Variants in RAD51B observed in about 807,000 individuals in gnomAD.
RAD51B encodes RAD51 paralog B.
Under a neutral mutation model 42.2 loss-of-function variants are expected in RAD51B, and 38 were observed. The observed-to-expected ratio is 0.90, with a 90% CI of 0.70 to 1.18. The LOEUF is 1.18. Among genes scored for constraint, RAD51B ranks in the 50% most tolerant of loss-of-function variants. The pLI is 0.00. For synonymous variants in RAD51B, 154 were observed against 145.2 expected (o/e 1.06, Z -0.43); for missense variants, 373 against 400.7 (o/e 0.93, Z 0.59).
At chr14:68,158,130 C>A (rs2078555809) in intron 7 of RAD51B, among the ~76,000 whole-genome samples, 1 of 151,872 alleles carries the variant, frequency 6.6e-6, no homozygotes, top group Admixed American at 6.6e-5. Flanking sequence ...TTTTTTTCTT[C>A]TCCCATCCCA....
At chr14:68,554,742 C>T (rs542255051) in intron 10 of RAD51B, among the ~76,000 whole-genome samples, 140 of 152,100 alleles carry the variant, frequency 9.2e-4, no homozygotes, top group Non-Finnish European at 1.6e-3. Context: ...GAATTTTTGT[C>T]TGTTTTGTTC....
intron 8 of RAD51B, among the ~76,000 whole-genome samples, chr14:68,317,175 G>GA (rs1238511384): frequency 3.3e-5 from 5 of 151,788 alleles, no homozygotes; most frequent in South Asian, 2.1e-4. Flanking sequence ...TGACCTACTT[G>GA]AAAAAAAATG....
intron 7 of RAD51B, among the ~76,000 whole-genome samples, chr14:68,096,731 C>G (rs989064862): frequency 7.2e-5 from 11 of 152,174 alleles, no homozygotes; most frequent in African/African-American, 2.7e-4. Context: ...GTATTTTCCT[C>G]TTTACTTTGG....
intron 8 of RAD51B, among the ~76,000 whole-genome samples, chr14:68,364,763 G>C (rs2083106097): frequency 6.6e-6 from 1 of 152,242 alleles, no homozygotes; most frequent in Admixed American, 6.5e-5. Context: ...CGTAGTTCCA[G>C]TGTGAAGTAC....
intron 5 of RAD51B, among the ~76,000 whole-genome samples, chr14:67,866,800 C>T (rs1264850931): frequency 6.6e-6 from 1 of 152,070 alleles, no homozygotes; most frequent in Admixed American, 6.6e-5. Flanking sequence ...TTTTGAATCC[C>T]CCATATTTAC....
intron 4 of RAD51B, among the ~76,000 whole-genome samples, chr14:67,836,787 C>T (rs929938208): frequency 4.6e-5 from 7 of 152,110 alleles, no homozygotes; most frequent in Non-Finnish European, 8.8e-5. Flanking sequence ...GAAGAAGTGT[C>T]AGGAATTTGA....
chr14:67,835,852 T>C (rs535065842), intron 4 of RAD51B, among the ~76,000 whole-genome samples: 13 of 151,780 alleles, frequency 8.6e-5, no homozygotes, highest in African/African-American at 2.7e-4. Context: ...CAAGACCCTG[T>C]CTCAAAAAAA....
chr14:68,454,089 A>G (rs1232188916), intron 9 of RAD51B, among the ~76,000 whole-genome samples: 1 of 152,248 alleles, frequency 6.6e-6, no homozygotes, highest in Non-Finnish European at 1.5e-5. Flanking sequence ...TTAAAGAGCT[A>G]GAAGATAATA....
At position 68,506,929 on chromosome 14, in the gene RAD51B, C is replaced by G. The variant is rs113068477; in HGVS notation, c.1036+38679C>G. 4.5e-3 allele frequency among the ~76,000 whole-genome samples: 681 copies of G among 152,258 alleles called. 1 individual carries two copies. Among genetic ancestry groups the G allele is most frequent in the Non-Finnish European group, 7.4e-3 (505 of 68,020 alleles). ...AGTTAGAAAAAAATCTGGCAACTCC[C>G]CATACCACAGGTGGGTACACATTCA... On this transcript the variant is annotated intron_variant, in intron 10 of 10. Coordinates refer to the RAD51B transcript ENST00000487270.
intron 8 of RAD51B, among the ~76,000 whole-genome samples, chr14:68,296,024 G>A (rs117937536): frequency 0.016 from 2,363 of 152,316 alleles, 20 homozygotes; most frequent in Non-Finnish European, 0.024. Context: ...AGCAATACAG[G>A]AAGGGGAGAC....
intron 7 of RAD51B, among the ~76,000 whole-genome samples, chr14:68,216,792 C>T (rs1364614687): frequency 6.6e-6 from 1 of 152,134 alleles, no homozygotes; most frequent in Non-Finnish European, 1.5e-5. Context: ...TTGGATAGGG[C>T]TCTTTTCCTT....
At chr14:67,986,751 A>G (rs1218223857) in intron 7 of RAD51B, among the ~76,000 whole-genome samples, 1 of 152,096 alleles carries the variant, frequency 6.6e-6, no homozygotes, top group Non-Finnish European at 1.5e-5. Flanking sequence ...TTTTTTTGTG[A>G]GATGGAGTTT....
chr14:68,681,700 G>A (rs1016946646), intron 11 of RAD51B, among the ~76,000 whole-genome samples: 1 of 152,132 alleles, frequency 6.6e-6, no homozygotes, highest in Admixed American at 6.5e-5. Context: ...GTGTAATATC[G>A]TGTCCTGGGC....
chr14:68,368,007 T>C (rs964059280), intron 8 of RAD51B, among the ~76,000 whole-genome samples: 16 of 152,248 alleles, frequency 1.1e-4, no homozygotes, highest in African/African-American at 3.9e-4. Context: ...AGCTATCTTT[T>C]TGGCCTGTCT....
At chr14:67,858,426 C>T (rs1204490405) in intron 4 of RAD51B, among the ~76,000 whole-genome samples, 1 of 152,200 alleles carries the variant, frequency 6.6e-6, no homozygotes, top group African/African-American at 2.4e-5. Flanking sequence ...AGCTGTCTTA[C>T]CCAAAGTCTG....
intron 7 of RAD51B, among the ~76,000 whole-genome samples, chr14:68,123,616 T>C (rs1208175180): frequency 6.6e-6 from 1 of 152,162 alleles, no homozygotes; most frequent in Non-Finnish European, 1.5e-5. Context: ...AAGAGCAGTC[T>C]GGCCAACGTG....
At chr14:68,589,161 A>C (rs542458080) in intron 10 of RAD51B, among the ~76,000 whole-genome samples, 1 of 152,190 alleles carries the variant, frequency 6.6e-6, no homozygotes, top group Admixed American at 6.5e-5. Context: ...AAGTAACGTG[A>C]TACTTACAAG....
chr14:68,044,816 T>A (rs1304731670), intron 7 of RAD51B, among the ~76,000 whole-genome samples: 1 of 152,090 alleles, frequency 6.6e-6, no homozygotes, highest in Non-Finnish European at 1.5e-5. Flanking sequence ...CAATGACCAA[T>A]GAGAACATTG....
intron 7 of RAD51B, among the ~76,000 whole-genome samples, chr14:68,126,072 C>G (rs769757463): frequency 1.3e-5 from 2 of 152,120 alleles, no homozygotes; most frequent in Non-Finnish European, 2.9e-5. Flanking sequence ...TTCTCTGGTG[C>G]TAGATCTGAT....
Sources: allele counts gnomAD v4.1 joint callset (sites outside exome capture counted in the v4.1 genomes callset), GRCh38; gene constraint gnomAD v4.1.1; transcripts MANE v1.5; gene names NCBI Gene and HGNC (gene_info 2026-07-23, HGNC 2026-07-21).